Variants in CFTR observed in about 807,000 individuals in gnomAD.
The protein encoded by CFTR is CF transmembrane conductance regulator.
CFTR carries 181 observed loss-of-function variants against 171.6 expected under a neutral mutation model. The ratio of observed to expected loss-of-function variants is 1.05; its 90% CI spans 0.93 to 1.19. CFTR has a LOEUF of 1.19. Ranked by LOEUF, CFTR falls within the 50% of genes most tolerant of loss-of-function variation. CFTR has a pLI of 0.00. For synonymous variants in CFTR, 583 were observed against 608.0 expected (o/e 0.96, Z 0.60); for missense variants, 1,968 against 1,734.7 (o/e 1.13, Z -2.39).
At position 117,650,022 on chromosome 7, in the gene CFTR, A is replaced by T. The variant is rs180776853; in HGVS notation, c.3874-2820A>T. 6.4e-4 allele frequency among the ~76,000 whole-genome samples: 98 copies of T among 152,262 alleles called. 1 individual carries two copies. The highest frequency in any genetic ancestry group is 1.4e-3 in the Admixed American group (21 of 15,268). On this transcript the variant is annotated intron_variant, in intron 23 of 26. Transcript: ENST00000003084. ...AAAGAAAGCTAGTGTGGTGGCAGGA[A>T]GAAAGAGAAGAGAATGGAGAAGGGC...
At chr7:117,661,519 A>C (rs553745765) in intron 24 of CFTR, among the ~76,000 whole-genome samples, 2 of 152,264 alleles carry the variant, frequency 1.3e-5, no homozygotes, top group Non-Finnish European at 2.9e-5. Flanking sequence ...ATCTAGAGGG[A>C]GCATACTGCA....
intron 2 of CFTR, among the ~76,000 whole-genome samples, chr7:117,504,969 T>C (rs908343820): frequency 1.3e-5 from 2 of 152,180 alleles, no homozygotes; most frequent in African/African-American, 4.8e-5. Flanking sequence ...AAGTAAATCG[T>C]GTATATTTGC....
At chr7:117,565,003 C>T (rs1286559615) in intron 11 of CFTR, among the ~76,000 whole-genome samples, 1 of 152,212 alleles carries the variant, frequency 6.6e-6, no homozygotes, top group Non-Finnish European at 1.5e-5. Context: ...TTCAGTCCTC[C>T]TCTTTCATAA....
intron 1 of CFTR, 43 bp from the exon 2 acceptor site, chr7:117,504,210 G>C (rs369683098): frequency 4.5e-5 from 52 of 1,160,764 alleles, no homozygotes; most frequent in Non-Finnish European, 6.3e-5. Context: ...TCTGTATGGA[G>C]ACCAAATCAA....
intron 15 of CFTR, among the ~76,000 whole-genome samples, chr7:117,596,165 A>G (rs917933587): frequency 3.2e-5 from 2 of 62,184 alleles, no homozygotes; most frequent in Non-Finnish European, 6.1e-5. Context: ...GCGCTGGGGG[A>G]ACTGGGGCTG....
At chr7:117,547,469 CTT>C (rs1387764031) in intron 9 of CFTR, among the ~76,000 whole-genome samples, 14 of 151,702 alleles carry the variant, frequency 9.2e-5, no homozygotes, top group Non-Finnish European at 1.6e-4. Context: ...AAAAGTCTGA[CTT>C]TAAAATACAG....
intron 15 of CFTR, among the ~76,000 whole-genome samples, chr7:117,596,258 G>A (rs1439361008): frequency 2.0e-5 from 3 of 152,198 alleles, no homozygotes; most frequent in Non-Finnish European, 2.9e-5. Context: ...CCGGCCCCGC[G>A]AGCCCCAGGC....
chr7:117,506,654 A>T (rs903709346), intron 2 of CFTR, among the ~76,000 whole-genome samples: 2 of 152,220 alleles, frequency 1.3e-5, no homozygotes, highest in African/African-American at 4.8e-5. Flanking sequence ...AGAGAACATG[A>T]ATCTGAATTT....
intron 11 of CFTR, among the ~76,000 whole-genome samples, chr7:117,570,414 CA>C (rs1233074954): frequency 2.0e-5 from 3 of 152,098 alleles, no homozygotes; most frequent in Non-Finnish European, 2.9e-5. Context: ...GTGTCTTCCG[CA>C]GTTGCTTTTC....
intron 1 of CFTR, among the ~76,000 whole-genome samples, chr7:117,486,424 A>G (rs1798075218): frequency 6.6e-6 from 1 of 152,170 alleles, no homozygotes; most frequent in South Asian, 2.1e-4. Flanking sequence ...CGAGGGCTTC[A>G]TTGAAGTACT....
At chr7:117,538,007 G>A (rs905730531) in intron 7 of CFTR, among the ~76,000 whole-genome samples, 1 of 152,064 alleles carries the variant, frequency 6.6e-6, no homozygotes, top group African/African-American at 2.4e-5. Flanking sequence ...ATTTTACTTT[G>A]TTTTTTGTTG....
At chr7:117,612,031 A>ATATATATATATATATG (rs1792406297) in intron 20 of CFTR, among the ~76,000 whole-genome samples, 1 of 75,116 alleles carries the variant, frequency 1.3e-5, no homozygotes, top group African/African-American at 5.7e-5. Flanking sequence ...ATGTATATAT[A>ATATATATATATATATG]TATATATATA....
chr7:117,516,269 T>G (rs983018689), intron 3 of CFTR, among the ~76,000 whole-genome samples: 2 of 152,168 alleles, frequency 1.3e-5, no homozygotes, highest in African/African-American at 4.8e-5. Context: ...ATCTGCTTTA[T>G]GCACTGATAA....
intron 11 of CFTR, among the ~76,000 whole-genome samples, chr7:117,580,802 G>A (rs190015721): frequency 6.6e-6 from 1 of 152,062 alleles, no homozygotes; most frequent in Non-Finnish European, 1.5e-5. Flanking sequence ...TTGACTTATC[G>A]AGACAGTTAC....
chr7:117,509,597 T>C (rs1173836082), intron 3 of CFTR, among the ~76,000 whole-genome samples: 5 of 152,156 alleles, frequency 3.3e-5, no homozygotes, highest in African/African-American at 1.2e-4. Flanking sequence ...ACACTAAAAA[T>C]TTAAAGTATA....
Position 117,506,155 on chromosome 7 carries a change from G to A in CFTR, c.164+1792G>A, listed in dbSNP as rs138895060. 8.5e-5 allele frequency among the ~76,000 whole-genome samples: 13 copies of A among 152,280 alleles called. No individual in the cohort carries two copies. The East Asian group carries it at 2.5e-3, about 29-fold the overall frequency. On this transcript the variant is annotated intron_variant, in intron 2 of 26. Coordinates refer to ENST00000003084, the MANE Select transcript of CFTR (RefSeq NM_000492.4). The stretch of plus-strand genomic sequence containing the variant: ...TACATAGAAACCTGTAGCATTGCTG[G>A]AGAGATAAAATATATAAACATAATC...
chr7:117,594,929 G>A lies in CFTR; in HGVS notation c.2491-1G>A, dbSNP rs1792096457. 1 of 1,612,568 alleles carries A rather than the reference G, an allele frequency of 6.2e-7. No individual in the cohort carries two copies. Among genetic ancestry groups the A allele is most frequent in the Non-Finnish European group, 8.5e-7 (1 of 1,179,172 alleles). ...GTAATAGCCATAATTCTTTTATTCAGGAGTGCTTTTTTGATGATATGGAGA... is the reference window on the plus strand; with the variant it reads ...GTAATAGCCATAATTCTTTTATTCAAGAGTGCTTTTTTGATGATATGGAGA... On this transcript the variant is annotated splice_acceptor_variant, in intron 14 of 26. Coordinates refer to ENST00000003084, the MANE Select transcript of CFTR (RefSeq NM_000492.4). LOFTEE classifies it high-confidence loss of function.
intron 3 of CFTR, among the ~76,000 whole-genome samples, chr7:117,529,477 T>C (rs1173628995): frequency 7.5e-6 from 1 of 132,746 alleles, no homozygotes; most frequent in East Asian, 2.2e-4. Context: ...GTAACTAACC[T>C]GCACAATGTG....
intron 22 of CFTR, among the ~76,000 whole-genome samples, chr7:117,635,306 C>T (rs564705223): frequency 2.6e-5 from 4 of 152,158 alleles, no homozygotes; most frequent in Admixed American, 6.5e-5. Context: ...TCTTTATCCC[C>T]CTTACTTTTA....
Sources: gnomAD v4.1 joint callset for allele counts (sites outside exome capture counted in the v4.1 genomes callset) on GRCh38, gnomAD v4.1.1 for gene constraint, MANE v1.5 for transcripts, NCBI Gene and HGNC (gene_info 2026-07-23, HGNC 2026-07-21) for gene names.